The following C11orf65 variants were observed in gnomAD, a reference collection of about 807,000 sequenced individuals.
C11orf65 encodes protein MFI.
C11orf65 carries 38 observed loss-of-function variants against 35.3 expected under a neutral mutation model. The observed-to-expected ratio is 1.08, with a 90% CI of 0.83 to 1.41. The LOEUF (loss-of-function observed/expected upper bound fraction) is 1.41. C11orf65 is among the 40% of genes most tolerant of loss of function. The pLI is 0.00. For synonymous variants in C11orf65, 105 were observed against 114.4 expected (o/e 0.92, Z 0.53); for missense variants, 370 against 367.1 (o/e 1.01, Z -0.06).
intron 6 of C11orf65, among the ~76,000 whole-genome samples, chr11:108,318,841 A>T (rs1406462071): frequency 2.6e-5 from 4 of 152,116 alleles, no homozygotes; most frequent in African/African-American, 9.7e-5. Context: ...AACCCTAAAA[A>T]ATTAATTATG....
In C11orf65 at chr11:108,321,085, ACT is replaced by A. The variant is rs773328219; in HGVS notation, c.641-12016_641-12015del. ...TCTCAGGGGTGGCAAGGTGGGAGAA[ACT>A]CTGAGTGTAAGTGGACCATGCATTT... On this transcript the variant is annotated intron_variant, in intron 6 of 6. Coordinates refer to the C11orf65 transcript ENST00000525729. 2.6e-5 allele frequency among the ~76,000 whole-genome samples: 4 copies of A among 152,168 alleles called. No homozygotes were observed. In the East Asian group the frequency reaches 7.7e-4, roughly 29 times the overall value.
At chr11:108,436,403 T>C (rs764830027) in intron 2 of C11orf65, among the ~76,000 whole-genome samples, 2 of 152,134 alleles carry the variant, frequency 1.3e-5, no homozygotes, top group Non-Finnish European at 1.5e-5. Context: ...GTATAAGATA[T>C]CATAGGTAGA....
At chr11:108,329,387 T>G (rs549658471), downstream of C11orf65, 84 of 764,066 alleles carry the variant, frequency 1.1e-4, no homozygotes, top group African/African-American at 1.3e-3. Context: ...CTTGGTCTTT[T>G]GGGTTCTTTT....
chr11:108,461,609 T>C, intron 1 of C11orf65, 41 bp from the exon 2 acceptor site: 2 of 1,205,400 alleles, frequency 1.7e-6, no homozygotes, highest in Non-Finnish European at 2.4e-6. Context: ...TAAAATAATT[T>C]TAATTTACTT....
chr11:108,400,255 A>G (rs930092517), intron 6 of C11orf65, among the ~76,000 whole-genome samples: 1 of 152,152 alleles, frequency 6.6e-6, no homozygotes, highest in African/African-American at 2.4e-5. Flanking sequence ...CTTGTCTCTC[A>G]TTTTTGAAAG....
At chr11:108,366,888 A>G (rs2137986301) in intron 2 of C11orf65, 1 of 228,348 alleles carries the variant, frequency 4.4e-6, no homozygotes, top group South Asian at 1.8e-4. Context: ...TTTGCTCCCC[A>G]TATAGATGTC....
Position 108,408,757 on chromosome 11 carries a change from G to A in C11orf65, c.175-1608C>T, listed in dbSNP as rs146299391. Among the ~76,000 whole-genome samples, 1,156 of 131,342 alleles carry A rather than the reference G, an allele frequency of 8.8e-3. 18 individuals are homozygous for A. Among genetic ancestry groups the A allele is most frequent in the African/African-American group, 0.027 (987 of 36,756 alleles). The allele number at this position is 131,342 out of a possible 152,430, so 86.2% of individuals were successfully genotyped here. ...ATGATATAAGAATTGTATATAATAG[G>A]TTTTCTAGATTTTAGTTTGGTATGC... On this transcript the variant is annotated intron_variant, in intron 3 of 8. Transcript: ENST00000393084.
intron 2 of C11orf65, among the ~76,000 whole-genome samples, chr11:108,449,266 C>G (rs1171073179): frequency 6.6e-6 from 1 of 151,784 alleles, no homozygotes; most frequent in Non-Finnish European, 1.5e-5. Flanking sequence ...ACTTTCTTCA[C>G]AGAATTGGAA....
intron 6 of C11orf65, among the ~76,000 whole-genome samples, chr11:108,399,541 T>C (rs984651513): frequency 6.6e-6 from 1 of 152,180 alleles, no homozygotes; most frequent in Non-Finnish European, 1.5e-5. Context: ...TAGATCCAAC[T>C]TATTCCTCCA....
chr11:108,385,863 G>T, intron 8 of C11orf65, 57 bp downstream of exon 8: 1 of 1,349,626 alleles, frequency 7.4e-7, no homozygotes, highest in Non-Finnish European at 1.1e-6. Flanking sequence ...ATACGTGTGT[G>T]GAATGTATTT....
At chr11:108,310,409 C>CA (rs2084051398) in intron 6 of C11orf65, 2 of 1,147,204 alleles carry the variant, frequency 1.7e-6, no homozygotes, top group Non-Finnish European at 2.5e-6. Context: ...TCCTGTTCCC[C>CA]ATTTAAAAGA....
intron 3 of C11orf65, among the ~76,000 whole-genome samples, chr11:108,422,881 CA>C (rs769411381): frequency 0.03 from 2,715 of 92,002 alleles, 26 homozygotes; most frequent in Non-Finnish European, 0.034. Flanking sequence ...GACTCTGTCT[CA>C]AAAAAAAAAA....
chr11:108,387,864 C>T (rs1269693819), intron 7 of C11orf65, among the ~76,000 whole-genome samples: 1 of 152,174 alleles, frequency 6.6e-6, no homozygotes, highest in Non-Finnish European at 1.5e-5. Context: ...GACGTTGTGT[C>T]TGAATTTGGC....
intron 3 of C11orf65, among the ~76,000 whole-genome samples, chr11:108,427,016 T>C (rs1199505911): frequency 6.6e-6 from 1 of 152,140 alleles, no homozygotes; most frequent in African/African-American, 2.4e-5. Context: ...CCCCCTTCCT[T>C]ACACCTTATA....
chr11:108,436,962 A>G (rs1434826756), intron 2 of C11orf65, among the ~76,000 whole-genome samples: 1 of 152,164 alleles, frequency 6.6e-6, no homozygotes, highest in African/African-American at 2.4e-5. Context: ...GAGGTCTGGC[A>G]TCTAAGAAAT....
chr11:108,320,668 T>G (rs187283113), intron 6 of C11orf65, among the ~76,000 whole-genome samples: 3 of 152,282 alleles, frequency 2.0e-5, no homozygotes, highest in Admixed American at 1.3e-4. Flanking sequence ...CAGCTATAAG[T>G]GACAGAACTG....
At chr11:108,390,191 A>C (rs2092121108) in intron 7 of C11orf65, among the ~76,000 whole-genome samples, 1 of 150,594 alleles carries the variant, frequency 6.6e-6, no homozygotes, top group Non-Finnish European at 1.5e-5. Flanking sequence ...TTGGTGGGTT[A>C]ATTTTTGTAT....
intron 2 of C11orf65, among the ~76,000 whole-genome samples, chr11:108,453,380 G>A (rs1314883334): frequency 2.6e-5 from 4 of 151,436 alleles, no homozygotes; most frequent in Admixed American, 6.6e-5. Context: ...CAGCAAGATG[G>A]TAGCCTTAAG....
chr11:108,447,510 T>C (rs1016011929), intron 2 of C11orf65, among the ~76,000 whole-genome samples: 7 of 152,026 alleles, frequency 4.6e-5, no homozygotes, highest in Admixed American at 4.6e-4. Flanking sequence ...ACATGGAAAC[T>C]GAACAACCTG....
Sources: gnomAD v4.1 joint callset for allele counts (sites outside exome capture counted in the v4.1 genomes callset) on GRCh38, gnomAD v4.1.1 for gene constraint, MANE v1.5 for transcripts, NCBI Gene and HGNC (gene_info 2026-07-23, HGNC 2026-07-21) for gene names.